SPTLC3: variants seen among roughly 807,000 people sequenced by gnomAD.
SPTLC3 encodes serine palmitoyltransferase long chain base subunit 3, also known as serine palmitoyltransferase 3.
A neutral mutation model predicts 59.3 loss-of-function variants in SPTLC3; 36 were observed. That is an observed-to-expected ratio of 0.61 (90% confidence interval 0.47 to 0.80). The LOEUF (loss-of-function observed/expected upper bound fraction) is 0.80. SPTLC3 is among the 30% of genes least tolerant of loss of function. The probability of loss-of-function intolerance (pLI) is 0.00; values close to 1 mark genes in which losing one functional copy is unlikely to be tolerated. For synonymous variants in SPTLC3, 257 were observed against 240.8 expected, an observed-to-expected ratio of 1.07 and a Z score of -0.62; for missense variants, 625 against 685.1, an observed-to-expected ratio of 0.91 and a Z score of 0.98.
chr20:13,029,221 C>T (rs1986307470), intron 1 of SPTLC3, among the ~76,000 whole-genome samples: 1 of 152,132 alleles, frequency 6.6e-6, no homozygotes, highest in African/African-American at 2.4e-5. Context: ...AACTGAATCA[C>T]GTCCCTACAG....
chr20:13,024,381 C>A (rs200407898), intron 1 of SPTLC3, among the ~76,000 whole-genome samples: 1 of 117,540 alleles, frequency 8.5e-6, no homozygotes, highest in Non-Finnish European at 2.0e-5. Flanking sequence ...TTTTGCTATA[C>A]GTTTACTACT....
At chr20:13,070,639 G>A (rs1373077198) in intron 2 of SPTLC3, among the ~76,000 whole-genome samples, 2 of 152,140 alleles carry the variant, frequency 1.3e-5, no homozygotes, top group African/African-American at 4.8e-5. Context: ...TTACCTGCAG[G>A]ATAAAGGATG....
intron 9 of SPTLC3, among the ~76,000 whole-genome samples, chr20:13,142,214 G>A (rs900138991): frequency 6.6e-6 from 1 of 152,188 alleles, no homozygotes; most frequent in East Asian, 1.9e-4. Flanking sequence ...GTGTCTTTTA[G>A]ATGGCACTGG....
intron 1 of SPTLC3, among the ~76,000 whole-genome samples, chr20:13,040,060 T>C (rs1986909290): frequency 6.6e-6 from 1 of 151,670 alleles, no homozygotes. Context: ...TGTGTGTGTG[T>C]GTGTGTGTGT....
At chr20:13,147,263 T>C (rs1390838057) in intron 9 of SPTLC3, among the ~76,000 whole-genome samples, 3 of 152,148 alleles carry the variant, frequency 2.0e-5, no homozygotes, top group Admixed American at 1.3e-4. Flanking sequence ...CAGTGCCTGA[T>C]AAAAATGTGC....
intron 8 of SPTLC3, among the ~76,000 whole-genome samples, chr20:13,125,044 A>T (rs2037956413): frequency 6.6e-6 from 1 of 151,862 alleles, no homozygotes; most frequent in South Asian, 2.1e-4. Flanking sequence ...GAGGCCTGTC[A>T]TCAGCCCATT....
chr20:13,121,318 C>T (rs1568612834), intron 8 of SPTLC3, among the ~76,000 whole-genome samples: 1 of 152,068 alleles, frequency 6.6e-6, no homozygotes, highest in Non-Finnish European at 1.5e-5. Flanking sequence ...GAGCATTAGC[C>T]CCAGAAGCCT....
chr20:13,120,050 T>C (rs1463983118), intron 8 of SPTLC3, among the ~76,000 whole-genome samples: 1 of 152,254 alleles, frequency 6.6e-6, no homozygotes, highest in Admixed American at 6.5e-5. Flanking sequence ...AAGTCAAACA[T>C]ATATTTTATT....
chr20:13,083,207 C>T (rs984402985), intron 4 of SPTLC3, among the ~76,000 whole-genome samples: 5 of 152,108 alleles, frequency 3.3e-5, no homozygotes, highest in Non-Finnish European at 5.9e-5. Context: ...GGAGTTTATC[C>T]AGACTTTCCC....
In SPTLC3 at chr20:13,120,996, G is replaced by A. The variant is rs2037852930; in HGVS notation, c.1152+3271G>A. Reference sequence around the variant, plus strand: ...TCACTACTTCTCTCCACCTGTCAGAGCTCCGTGCCATGAATGGCTTCTTTG... The same window carrying A: ...TCACTACTTCTCTCCACCTGTCAGAACTCCGTGCCATGAATGGCTTCTTTG... On this transcript the variant is annotated intron_variant, in intron 8 of 11. Transcript: ENST00000399002. Among the ~76,000 whole-genome samples the A allele has an allele frequency of 1.3e-5, 2 of 152,234 alleles. 1 individual carries two copies. Among genetic ancestry groups the A allele is most frequent in the South Asian group, 4.1e-4 (2 of 4,834 alleles).
intron 2 of SPTLC3, among the ~76,000 whole-genome samples, chr20:13,058,788 A>G (rs985398498): frequency 1.3e-5 from 2 of 152,222 alleles, no homozygotes; most frequent in Non-Finnish European, 2.9e-5. Context: ...GGTGAAGCCA[A>G]TGCTGCTAGT....
intron 1 of SPTLC3, among the ~76,000 whole-genome samples, chr20:13,015,918 A>G (rs1435628953): frequency 1.3e-5 from 2 of 152,124 alleles, no homozygotes; most frequent in Non-Finnish European, 2.9e-5. Flanking sequence ...CAGGAGGTCA[A>G]CAATCTGACT....
chr20:13,070,634 T>C (rs1988401089), intron 2 of SPTLC3, among the ~76,000 whole-genome samples: 2 of 152,202 alleles, frequency 1.3e-5, no homozygotes, highest in South Asian at 4.1e-4. Flanking sequence ...CCTCATTACC[T>C]GCAGGATAAA....
intron 2 of SPTLC3, among the ~76,000 whole-genome samples, chr20:13,055,989 G>A (rs944396645): frequency 1.3e-5 from 2 of 152,078 alleles, no homozygotes; most frequent in Non-Finnish European, 2.9e-5. Flanking sequence ...CTGCCACCAG[G>A]GATCTTGGTG....
intron 1 of SPTLC3, among the ~76,000 whole-genome samples, chr20:13,027,287 C>A (rs372795657): frequency 6.6e-6 from 1 of 152,190 alleles, no homozygotes; most frequent in Non-Finnish European, 1.5e-5. Flanking sequence ...ATGATCCTTA[C>A]GTCTGTACGT....
At chr20:13,125,477 T>C (rs1350536297) in intron 8 of SPTLC3, among the ~76,000 whole-genome samples, 1 of 152,216 alleles carries the variant, frequency 6.6e-6, no homozygotes, top group East Asian at 1.9e-4. Context: ...GTTTTTGCTG[T>C]GTAACAAACC....
chr20:13,044,058 C>G (rs995431314), intron 1 of SPTLC3, among the ~76,000 whole-genome samples: 10 of 151,920 alleles, frequency 6.6e-5, no homozygotes, highest in African/African-American at 1.2e-4. Flanking sequence ...CCCTCTTCTC[C>G]CTAGGTATTG....
intron 9 of SPTLC3, among the ~76,000 whole-genome samples, chr20:13,140,157 A>G (rs2038346527): frequency 6.6e-6 from 1 of 152,238 alleles, no homozygotes; most frequent in African/African-American, 2.4e-5. Context: ...TATTTTGGAA[A>G]TAGTAGCATA....
chr20:13,110,382 A>T (rs190409577), intron 7 of SPTLC3, among the ~76,000 whole-genome samples, 165 bp downstream of exon 7: 3 of 152,298 alleles, frequency 2.0e-5, no homozygotes, highest in Admixed American at 6.5e-5. Flanking sequence ...GACGTGGGTT[A>T]TCTGTCTTTT....
Sources: gnomAD v4.1 joint callset for allele counts (sites outside exome capture counted in the v4.1 genomes callset) on GRCh38, gnomAD v4.1.1 for gene constraint, MANE v1.5 for transcripts, NCBI Gene and HGNC (gene_info 2026-07-23, HGNC 2026-07-21) for gene names.